The following ANO3 variants were observed in gnomAD, a reference collection of about 807,000 sequenced individuals.
The protein encoded by ANO3 is anoctamin 3.
A neutral mutation model predicts 144.8 loss-of-function variants in ANO3; 99 were observed. The observed-to-expected ratio is 0.68, with a 90% CI of 0.58 to 0.81. The LOEUF (loss-of-function observed/expected upper bound fraction) is 0.81, where lower values mean the gene tolerates loss of function less well. Ranked by LOEUF, ANO3 falls within the 30% of genes least tolerant of loss-of-function variation. ANO3 has a pLI of 0.00. For missense variants in ANO3, 905 were observed against 1,202.2 expected (o/e 0.75, Z 3.66); for synonymous variants, 414 against 392.6 (o/e 1.05, Z -0.64).
At chr11:26,312,738 T>C (rs1298137998) in intron 1 of ANO3, among the ~76,000 whole-genome samples, 2 of 152,244 alleles carry the variant, frequency 1.3e-5, no homozygotes, top group Non-Finnish European at 2.9e-5. Flanking sequence ...TTCTGGATAT[T>C]AGCCCTTTGT....
intron 1 of ANO3, among the ~76,000 whole-genome samples, chr11:26,272,625 G>C (rs1224398361): frequency 3.9e-5 from 6 of 152,060 alleles, no homozygotes; most frequent in Non-Finnish European, 8.8e-5. Flanking sequence ...AGAAGATTTG[G>C]CTTCAAAAAT....
intron 1 of ANO3, among the ~76,000 whole-genome samples, chr11:26,432,862 T>C (rs1242140778): frequency 6.6e-6 from 1 of 152,214 alleles, no homozygotes; most frequent in African/African-American, 2.4e-5. Flanking sequence ...TCTTTTTGCT[T>C]AGGATTGCCT....
At chr11:26,322,023 T>C (rs924103423) in intron 1 of ANO3, among the ~76,000 whole-genome samples, 3 of 152,076 alleles carry the variant, frequency 2.0e-5, no homozygotes, top group African/African-American at 7.2e-5. Context: ...CTATCATGTC[T>C]TCTTATAATG....
intron 1 of ANO3, among the ~76,000 whole-genome samples, chr11:26,295,061 G>A (rs1218244271): frequency 6.6e-6 from 1 of 151,808 alleles, no homozygotes; most frequent in Non-Finnish European, 1.5e-5. Flanking sequence ...CACGTGCCAG[G>A]GTAATTTGTT....
chr11:26,627,199 A>T (rs1852615360), intron 18 of ANO3, among the ~76,000 whole-genome samples: 1 of 152,098 alleles, frequency 6.6e-6, no homozygotes, highest in African/African-American at 2.4e-5. Context: ...GGAAGACACC[A>T]GGCTTTGGAG....
In ANO3 at chr11:26,559,795, A is replaced by G. The variant is rs1436073813; in HGVS notation, c.1447+16A>G. The G allele has an allele frequency of 1.3e-6, 2 of 1,553,374 alleles. No individual in the cohort carries two copies. The highest frequency in any genetic ancestry group is 1.8e-6 in the Non-Finnish European group (2 of 1,127,592). On this transcript the variant is annotated intron_variant, in intron 14 of 26. Coordinates refer to ENST00000256737, the MANE Select transcript of ANO3 (RefSeq NM_031418.4). ...GCAATATGGGGTAAGTACTTTCTTC[A>G]TTACTTTCTATCCCTTATTTTCTGA...
chr11:26,370,410 C>T (rs1187783496), intron 1 of ANO3, among the ~76,000 whole-genome samples: 1 of 152,148 alleles, frequency 6.6e-6, no homozygotes, highest in Non-Finnish European at 1.5e-5. Flanking sequence ...CACCCAGTCT[C>T]AGGTATGTCT....
intron 7 of ANO3, among the ~76,000 whole-genome samples, chr11:26,530,420 A>T (rs371214150): frequency 6.4e-3 from 61 of 9,570 alleles, no homozygotes; most frequent in African/African-American, 0.013. Flanking sequence ...TGTTTGTTTT[A>T]AAAAAAAGCA....
chr11:26,641,015 G>A (rs1224182270), intron 21 of ANO3, among the ~76,000 whole-genome samples: 2 of 152,074 alleles, frequency 1.3e-5, no homozygotes, highest in Admixed American at 1.3e-4. Context: ...AAAATTGAGG[G>A]TTGGGTACTG....
intron 1 of ANO3, among the ~76,000 whole-genome samples, chr11:26,238,409 A>G (rs1439842543): frequency 2.0e-5 from 3 of 152,156 alleles, no homozygotes; most frequent in Non-Finnish European, 2.9e-5. Context: ...TTAATTTAGA[A>G]TCATCATAGG....
intron 1 of ANO3, among the ~76,000 whole-genome samples, chr11:26,291,070 T>C (rs184448402): frequency 1.9e-3 from 289 of 152,336 alleles, no homozygotes; most frequent in African/African-American, 5.6e-3. Flanking sequence ...CTCTAAGGAC[T>C]TGCTTTATGA....
At chr11:26,449,596 G>C (rs1858845503) in intron 3 of ANO3, among the ~76,000 whole-genome samples, 1 of 151,780 alleles carries the variant, frequency 6.6e-6, no homozygotes, top group Non-Finnish European at 1.5e-5. Flanking sequence ...TTATCACTGT[G>C]AGTTTTCTCA....
intron 3 of ANO3, among the ~76,000 whole-genome samples, chr11:26,451,928 C>T (rs979521166): frequency 1.2e-4 from 18 of 152,090 alleles, no homozygotes; most frequent in African/African-American, 3.1e-4. Context: ...TCGCGGTTCA[C>T]GAAAAACCAC....
At chr11:26,271,616 G>C (rs1299876744) in intron 1 of ANO3, among the ~76,000 whole-genome samples, 1 of 151,756 alleles carries the variant, frequency 6.6e-6, no homozygotes, top group African/African-American at 2.4e-5. Flanking sequence ...TTTATTTCTT[G>C]TATAATTAAT....
chr11:26,349,462 TAATA>T (rs1855579315), intron 1 of ANO3, among the ~76,000 whole-genome samples: 1 of 152,220 alleles, frequency 6.6e-6, no homozygotes, highest in African/African-American at 2.4e-5. Context: ...ACATGTGCCC[TAATA>T]AATGATGCCA....
At chr11:26,447,945 A>AG (rs1407021878) in intron 3 of ANO3, among the ~76,000 whole-genome samples, 2 of 152,208 alleles carry the variant, frequency 1.3e-5, no homozygotes, top group Non-Finnish European at 2.9e-5. Flanking sequence ...CACGTTAACA[A>AG]GTGCCTGATG....
intron 18 of ANO3, among the ~76,000 whole-genome samples, chr11:26,625,672 A>G (rs1852561317): frequency 6.6e-6 from 1 of 152,102 alleles, no homozygotes; most frequent in South Asian, 2.1e-4. Context: ...TTTTCTCTGA[A>G]TATATTCAGA....
chr11:26,534,403 G>T (rs1849450987), intron 8 of ANO3, 53 bp from the exon 9 acceptor site: 1 of 1,194,520 alleles, frequency 8.4e-7, no homozygotes, highest in Non-Finnish European at 1.2e-6. Context: ...TGTAACTATT[G>T]CTGGATTCTG....
intron 1 of ANO3, among the ~76,000 whole-genome samples, chr11:26,363,637 A>C (rs184275815): frequency 2.0e-5 from 3 of 152,098 alleles, no homozygotes; most frequent in Non-Finnish European, 4.4e-5. Flanking sequence ...CTTCAACATA[A>C]AGTTCGGGGA....
Sources: allele counts gnomAD v4.1 joint callset (sites outside exome capture counted in the v4.1 genomes callset), GRCh38; gene constraint gnomAD v4.1.1; transcripts MANE v1.5; gene names NCBI Gene and HGNC (gene_info 2026-07-23, HGNC 2026-07-21).